The following TOPORS variants were observed in gnomAD, a reference collection of about 807,000 sequenced individuals.
TOPORS encodes E3 ubiquitin-protein ligase Topors.
Under a neutral mutation model 81.4 loss-of-function variants are expected in TOPORS, and 25 were observed. The ratio of observed to expected loss-of-function variants is 0.31; its 90% CI spans 0.22 to 0.43. The LOEUF (loss-of-function observed/expected upper bound fraction) is 0.43. Among genes scored for constraint, TOPORS ranks in the 20% least tolerant of loss-of-function variants. The probability of loss-of-function intolerance (pLI) is 1.00; values close to 1 mark genes in which losing one functional copy is unlikely to be tolerated. For synonymous variants in TOPORS, 473 were observed against 456.6 expected (o/e 1.04, Z -0.46); for missense variants, 1,101 against 1,267.0 (o/e 0.87, Z 1.99).
At chr9:32,549,881 A>C (rs571302138) in intron 2 of TOPORS, among the ~76,000 whole-genome samples, 1 of 152,194 alleles carries the variant, frequency 6.6e-6, no homozygotes, top group Non-Finnish European at 1.5e-5. Flanking sequence ...TACAAAAGTC[A>C]CAGGATCTCA....
In TOPORS at chr9:32,544,148, C is replaced by G. The variant is rs777936936; in HGVS notation, c.377G>C (p.Arg126Pro). 1 of 1,613,960 alleles carries G rather than the reference C, an allele frequency of 6.2e-7. No homozygotes were observed. The highest frequency in any genetic ancestry group is 8.5e-7 in the Non-Finnish European group (1 of 1,180,012). The change falls in exon 3 of 3, where the codon CGC becomes CCC. Residue 126 changes from arginine to proline, a missense_variant. Around this residue, in one of 9 missense-constraint regions of TOPORS, gnomAD observed 48 missense variants for 73.3 expected, o/e 0.65. Transcript: ENST00000360538. ...LDRCLHKFCFRCVQEWSKNKA... is the reference protein window; with the variant it reads ...LDRCLHKFCFPCVQEWSKNKA... ...GTTTTTTGACCACTCCTGTACACAG[C>G]GAAAACAGAACTTATGTAAGCAGCG...
In TOPORS at chr9:32,550,804, G is replaced by A. The variant is rs766719147; in HGVS notation, c.168C>T (p.Ala56=). ...FLGCRELAAS[A]PARPAPASSE... is the part of the protein sequence containing the mutation. ...AGGATGCCGGCGCAGGCCTGGCTGG[G>A]GCGCTCGCCGCGAGCTCCCGGCAGC... is the stretch of plus-strand genomic sequence containing the variant. The change falls in exon 2 of 3, where the codon GCC becomes GCT. Residue 56 remains alanine, a synonymous_variant. Transcript: ENST00000360538. 2.5e-6 allele frequency: 4 copies of A among 1,612,594 alleles called. No homozygotes were observed. In the East Asian group the frequency reaches 6.7e-5, roughly 27 times the overall value.
At chr9:32,548,352 G>A (rs1414378996) in intron 2 of TOPORS, among the ~76,000 whole-genome samples, 4 of 150,620 alleles carry the variant, frequency 2.7e-5, no homozygotes, top group East Asian at 2.0e-4. Flanking sequence ...GGAGAAACCC[G>A]GTCTCTACTA....
rs1253235215 is a variant in TOPORS, at chr9:32,540,655, T to C, written c.*732A>G. Reference sequence around the variant, plus strand: ...AAAGAAAATAATTAAAACTATAAAGTATTTGTTCACCTGAAGTTCAGTATT... The same window carrying C: ...AAAGAAAATAATTAAAACTATAAAGCATTTGTTCACCTGAAGTTCAGTATT... On this transcript the variant is annotated 3_prime_UTR_variant, in exon 3 of 3. Coordinates refer to ENST00000360538, the MANE Select transcript of TOPORS (RefSeq NM_005802.5). 4 of 148,332 alleles carry C rather than the reference T, an allele frequency of 2.7e-5. No individual in the cohort carries two copies. Among genetic ancestry groups the C allele is most frequent in the South Asian group, 2.1e-4 (1 of 4,804 alleles). 9.2% of individuals were successfully genotyped at this position (148,332 alleles called of 1,614,324 possible).
At chr9:32,545,180 A>T (rs1221225175) in intron 2 of TOPORS, among the ~76,000 whole-genome samples, 1 of 152,176 alleles carries the variant, frequency 6.6e-6, no homozygotes. Flanking sequence ...TATTATTACT[A>T]CACTATTATA....
rs1821056585 is a variant in TOPORS at position 32,541,462 on chromosome 9, C to T, written c.3063G>A (p.Glu1021=). 3.7e-6 allele frequency: 6 copies of T among 1,614,040 alleles called. No homozygotes were observed. The South Asian group carries it at 6.6e-5, about 18-fold the overall frequency. Reference sequence around the variant, plus strand: ...GTGGCGATGGCAATTGCCTTGATGGCTCAGTTTGAAGAGACACAATGTTAC... The same window carrying T: ...GTGGCGATGGCAATTGCCTTGATGGTTCAGTTTGAAGAGACACAATGTTAC... The part of the protein sequence containing the change: ...QPSNIVSLQT[E]PSRQLPSPRT... Residue 1021 remains glutamate, a synonymous_variant, in exon 3 of 3, where the codon GAG becomes GAA. Transcript: ENST00000360538.
Position 32,542,868 on chromosome 9 carries a change from T to G in TOPORS, c.1657A>C (p.Ser553Arg). 1 of 1,614,144 alleles carries G rather than the reference T, an allele frequency of 6.2e-7. No homozygotes were observed. The highest frequency in any genetic ancestry group is 8.5e-7 in the Non-Finnish European group (1 of 1,180,004). Residue 553 changes from serine (S) to arginine (R), a missense_variant, in exon 3 of 3, where the codon AGT (serine) becomes CGT (arginine). Around this residue, in one of 9 missense-constraint regions of TOPORS, gnomAD observed 605 missense variants for 636.1 expected, o/e 0.95. Coordinates refer to ENST00000360538, the MANE Select transcript of TOPORS (RefSeq NM_005802.5). ...TCCTTCTTTGATTTGATTCTTGTACTAGAATCACAATGACCTTTATTTATT... is the reference window on the plus strand; with the variant it reads ...TCCTTCTTTGATTTGATTCTTGTACGAGAATCACAATGACCTTTATTTATT... ...EQINKGHCDSSTRIKSKKEEK... is the reference protein window; with the variant it reads ...EQINKGHCDSRTRIKSKKEEK...
rs1268780942 is a variant in TOPORS, at chr9:32,552,447, A to G, written c.-11T>C. On this transcript the variant is annotated 5_prime_UTR_variant, in exon 1 of 3. Coordinates refer to ENST00000360538, the MANE Select transcript of TOPORS (RefSeq NM_005802.5). Reference sequence around the variant, plus strand: ...CCGCCTCCTTACCATGAAGCCAGTAAGTCGTCGCACGCTGGACTGGATTTA... The same window carrying G: ...CCGCCTCCTTACCATGAAGCCAGTAGGTCGTCGCACGCTGGACTGGATTTA... The G allele has an allele frequency of 6.2e-7, 1 of 1,606,784 alleles. No homozygotes were observed. Among genetic ancestry groups the G allele is most frequent in the Middle Eastern group, 1.8e-4 (1 of 5,674 alleles).
rs752367011 is a variant in TOPORS at position 32,542,512 on chromosome 9, C to A, written c.2013G>T (p.Arg671Ser). Residue 671 changes from arginine to serine, a missense_variant, in exon 3 of 3, where the codon AGG becomes AGT. By Grantham distance (110) the Arg-to-Ser change is moderately radical. Coordinates refer to ENST00000360538, the MANE Select transcript of TOPORS (RefSeq NM_005802.5). ...TTTTACCATGATCACTGCTACGAGA[C>A]CTTGATCTGCTTGTGCTTTCACTAC... ...SLSSESTSRS[R>S]SRSSDHGKRR... 1.2e-6 allele frequency: 2 copies of A among 1,614,010 alleles called. No homozygotes were observed. The highest frequency in any genetic ancestry group is 1.7e-6 in the Non-Finnish European group (2 of 1,180,028).
At position 32,541,589 on chromosome 9, in the gene TOPORS, T is replaced by C. The variant is rs1182164373; in HGVS notation, c.2936A>G (p.Asn979Ser). The change falls in exon 3 of 3, where the codon AAC (asparagine) becomes AGC (serine). Residue 979 changes from asparagine (N) to serine (S), a missense_variant. Asn to Ser is a conservative substitution (Grantham distance 46). Coordinates refer to ENST00000360538, the MANE Select transcript of TOPORS (RefSeq NM_005802.5). The stretch of plus-strand genomic sequence containing the variant: ...AGGTGGAATATTATCTACAGTTTTG[T>C]TGGCATTATTCAAGTTGTTACTAAG... ...ATLSNNLNNANKTVDNIPPLA... is the reference protein window; with the variant it reads ...ATLSNNLNNASKTVDNIPPLA... 3.1e-6 allele frequency: 5 copies of C among 1,614,212 alleles called. No individual in the cohort carries two copies. The highest frequency in any genetic ancestry group is 2.2e-5 in the South Asian group (2 of 91,082).
chr9:32,541,237 A>T lies in TOPORS; in HGVS notation c.*150T>A. The T allele has an allele frequency of 1.2e-6, 1 of 800,996 alleles. No individual in the cohort carries two copies. The highest frequency in any genetic ancestry group is 1.9e-6 in the Non-Finnish European group (1 of 518,576). The allele number at this position is 800,996 out of a possible 1,614,324, so 49.6% of individuals were successfully genotyped here. A position where few individuals can be genotyped will look rare whatever the true frequency, so the allele number is the denominator to read the frequency against. Reference sequence around the variant, plus strand: ...ATTTTGAACAAATAATGATTTTTACAAATTAACACCAAAAAAAAAATCATT... The same window carrying T: ...ATTTTGAACAAATAATGATTTTTACTAATTAACACCAAAAAAAAAATCATT... On this transcript the variant is annotated 3_prime_UTR_variant, in exon 3 of 3. Coordinates refer to ENST00000360538, the MANE Select transcript of TOPORS (RefSeq NM_005802.5).
chr9:32,543,977 G>T lies in TOPORS; in HGVS notation c.548C>A (p.Thr183Asn). 6.2e-7 allele frequency: 1 copy of T among 1,614,154 alleles called. No homozygotes were observed. Among genetic ancestry groups the T allele is most frequent in the Non-Finnish European group, 8.5e-7 (1 of 1,180,036 alleles). ...AGAAGCATTTCGTTCCCTTGTCAGA[G>T]TTGTACGGTAGCGAAATCGTCGATC... ...TPDRRFRYRTTLTRERNASVY... is the reference protein window; with the variant it reads ...TPDRRFRYRTNLTRERNASVY... Residue 183 changes from threonine to asparagine, a missense_variant, in exon 3 of 3, where the codon ACT becomes AAT. Physicochemically the swap from Thr to Asn is moderately conservative, Grantham distance 65. This residue lies in a region of TOPORS where 120 missense variants were observed against 115.4 expected (regional missense o/e 1.04). Transcript: ENST00000360538. This position sits in a 1 kb window ranked among gnomAD's most constrained non-coding sequence, Gnocchi z 5.6.
intron 1 of TOPORS, 34 bp downstream of exon 1, chr9:32,552,400 C>CG: frequency 6.2e-7 from 1 of 1,605,974 alleles, no homozygotes; most frequent in South Asian, 1.1e-5. Flanking sequence ...CCGCAGCTCC[C>CG]GCCAGCTCCC....
In TOPORS at chr9:32,544,212, T is replaced by C; in HGVS notation, c.313A>G (p.Ile105Val). Reference protein sequence around the residue: ...ADASPDSKCPICLDRFDNVSY... With the variant: ...ADASPDSKCPVCLDRFDNVSY... ...ACATTATCAAATCTATCCAAGCATATAGGACACTTAGAATCAGGAGATGCA... is the reference window on the plus strand; with the variant it reads ...ACATTATCAAATCTATCCAAGCATACAGGACACTTAGAATCAGGAGATGCA... The change falls in exon 3 of 3, where the codon ATA (isoleucine) becomes GTA (valine). Residue 105 changes from isoleucine to valine, a missense_variant. Around this residue, in one of 9 missense-constraint regions of TOPORS, gnomAD observed 48 missense variants for 73.3 expected, o/e 0.65. Coordinates refer to ENST00000360538, the MANE Select transcript of TOPORS (RefSeq NM_005802.5). 6.2e-7 allele frequency: 1 copy of C among 1,612,352 alleles called. No individual in the cohort carries two copies. Among genetic ancestry groups the C allele is most frequent in the Non-Finnish European group, 8.5e-7 (1 of 1,180,014 alleles).
intron 2 of TOPORS, among the ~76,000 whole-genome samples, chr9:32,545,481 G>C (rs1001047201): frequency 5.3e-5 from 8 of 151,608 alleles, no homozygotes; most frequent in African/African-American, 1.9e-4. Context: ...CTATTGGGGA[G>C]TCAGGCGCGG....
Position 32,542,157 on chromosome 9 carries a change from C to T in TOPORS, c.2368G>A (p.Glu790Lys). 1 of 1,614,172 alleles carries T rather than the reference C, an allele frequency of 6.2e-7. No individual in the cohort carries two copies. The highest frequency in any genetic ancestry group is 8.5e-7 in the Non-Finnish European group (1 of 1,180,034). The change falls in exon 3 of 3, where the codon GAA becomes AAA. Residue 790 changes from glutamate to lysine, a missense_variant. By Grantham distance (56) the Glu-to-Lys change is moderately conservative. This residue lies in a region of TOPORS where 605 missense variants were observed against 636.1 expected (regional missense o/e 0.95). Coordinates refer to ENST00000360538, the MANE Select transcript of TOPORS (RefSeq NM_005802.5). ...ASTGTDRVRN[E>K]KPGGKRKYKT... is the part of the protein sequence containing the mutation. Reference sequence around the variant, plus strand: ...TATTTTCGTTTCCCTCCAGGCTTTTCATTTCTCACCCGGTCAGTCCCGGTA... The same window carrying T: ...TATTTTCGTTTCCCTCCAGGCTTTTTATTTCTCACCCGGTCAGTCCCGGTA...
At chr9:32,550,629 G>A in intron 2 of TOPORS, 145 bp downstream of exon 2, 1 of 847,738 alleles carries the variant, frequency 1.2e-6, no homozygotes, top group Non-Finnish European at 1.8e-6. Flanking sequence ...GCCGCTCGGG[G>A]GCCCTGGCCC....
chr9:32,544,864 A>G (rs1487414921), intron 2 of TOPORS, among the ~76,000 whole-genome samples: 1 of 152,150 alleles, frequency 6.6e-6, no homozygotes, highest in Non-Finnish European at 1.5e-5. Flanking sequence ...TCCTCAGTTG[A>G]TGTTATTTCT....
chr9:32,542,934 T>C lies in TOPORS; in HGVS notation c.1591A>G (p.Arg531Gly), dbSNP rs1173520820. Residue 531 changes from arginine (R) to glycine (G), a missense_variant, in exon 3 of 3, where the codon AGA becomes GGA. Arg to Gly is a moderately radical substitution (Grantham distance 125, BLOSUM62 -2). Transcript: ENST00000360538. ...AGGACAGAGTGTGGAGATGAGCATC[T>C]ACTAACATCGCTATCACCAGAACTG... ...SYSSGDSDVSRCSSPHSVLGK... is the reference protein window; with the variant it reads ...SYSSGDSDVSGCSSPHSVLGK... The C allele has an allele frequency of 6.2e-7, 1 of 1,614,188 alleles. No individual in the cohort carries two copies. The highest frequency in any genetic ancestry group is 1.7e-5 in the Admixed American group (1 of 60,020).
Sources: allele counts gnomAD v4.1 joint callset (sites outside exome capture counted in the v4.1 genomes callset), GRCh38; gene constraint gnomAD v4.1.1; regional missense constraint gnomAD v4.1.1; non-coding constraint Gnocchi (gnomAD v3.1); transcripts MANE v1.5; gene names NCBI Gene and HGNC (gene_info 2026-07-23, HGNC 2026-07-21).